The following CHD4 variants were observed in gnomAD, a reference collection of about 807,000 sequenced individuals.
CHD4 encodes chromodomain helicase DNA binding protein 4, also known as ATP-dependent chromatin remodeler CHD4.
Under a neutral mutation model 235.5 loss-of-function variants are expected in CHD4, and 35 were observed. The ratio of observed to expected loss-of-function variants is 0.15; its 90% CI spans 0.11 to 0.20. The LOEUF (loss-of-function observed/expected upper bound fraction) is 0.20, where lower values mean the gene tolerates loss of function less well. Among genes scored for constraint, CHD4 ranks in the 10% least tolerant of loss-of-function variants. The pLI is 1.00. For synonymous variants in CHD4, 900 were observed against 850.2 expected, an observed-to-expected ratio of 1.06 and a Z score of -1.02; for missense variants, 1,329 against 2,432.3, an observed-to-expected ratio of 0.55 and a Z score of 9.54.
chr12:6,587,291 G>A (rs1036448441), intron 25 of CHD4, 93 bp downstream of exon 25: 15 of 1,321,504 alleles, frequency 1.1e-5, no homozygotes, highest in Middle Eastern at 1.9e-4. Context: ...TTTGCCTACA[G>A]ATATTTTCCA....
chr12:6,602,283 T>C (rs1205446805), intron 3 of CHD4, 93 bp downstream of exon 3: 4 of 1,600,934 alleles, frequency 2.5e-6, no homozygotes, highest in Non-Finnish European at 3.4e-6. Context: ...CCACCACTTC[T>C]GAGAAAGAAA....
chr12:6,588,151 T>C (rs1254365233), intron 23 of CHD4, 147 bp downstream of exon 23: 1 of 1,231,576 alleles, frequency 8.1e-7, no homozygotes, highest in South Asian at 1.5e-5. Flanking sequence ...AACCAAACTC[T>C]GGCTTACAAT....
intron 2 of CHD4, among the ~76,000 whole-genome samples, chr12:6,603,556 G>A (rs1592284865): frequency 6.7e-6 from 1 of 149,356 alleles, no homozygotes; most frequent in African/African-American, 2.5e-5. Context: ...GTTTGAGAGA[G>A]GTGGGGTGGC....
intron 10 of CHD4, among the ~76,000 whole-genome samples, chr12:6,599,113 T>A (rs1366754544): frequency 6.6e-6 from 1 of 152,122 alleles, no homozygotes; most frequent in Non-Finnish European, 1.5e-5. Context: ...CCTTAAGCAA[T>A]CTAAAGCAGT....
intron 33 of CHD4, 52 bp from the exon 34 acceptor site, chr12:6,578,969 C>A: frequency 6.7e-7 from 1 of 1,500,888 alleles, no homozygotes; most frequent in Non-Finnish European, 9.3e-7. Context: ...ACATTCTCCT[C>A]TGTTGCACAC....
Position 6,582,313 on chromosome 12 carries a change from G to A in CHD4, c.4371-32C>T, listed in dbSNP as rs142644691. ...AAAGAAGTAGAGAAAGAGTTAAATA[G>A]GGATCATGCTGACTCTTAGATTCTT... On this transcript the variant is annotated intron_variant, in intron 29 of 39. Coordinates refer to ENST00000544040, the MANE Select transcript of CHD4 (RefSeq NM_001273.5). 1.0e-3 allele frequency: 1,538 copies of A among 1,530,066 alleles called. 1 individual carries two copies. Among genetic ancestry groups the A allele is most frequent in the Middle Eastern group, 4.1e-3 (23 of 5,634 alleles). 94.8% of individuals were successfully genotyped at this position (1,530,066 alleles called of 1,614,324 possible).
Position 6,593,222 on chromosome 12 carries a change from C to A in CHD4, c.2521G>T (p.Ala841Ser). ...AGCAGCACATGGAATTTCACAGATG[C>A]CTCTTTCTGCACATGAAGGCAACTT... ...GKKASRMKKEASVKFHVLLTS... is the reference protein window; with the variant it reads ...GKKASRMKKESSVKFHVLLTS... Residue 841 changes from alanine to serine, a missense_variant, in exon 17 of 40, where the codon GCA (alanine) becomes TCA (serine). This residue lies in a region of CHD4 where 78 missense variants were observed against 174.8 expected (regional missense o/e 0.45). Transcript: ENST00000544040. This position sits in a 1 kb window ranked among gnomAD's most constrained non-coding sequence, Gnocchi z 4.9. 1 of 1,614,046 alleles carries A rather than the reference C, an allele frequency of 6.2e-7. No homozygotes were observed. The highest frequency in any genetic ancestry group is 8.5e-7 in the Non-Finnish European group (1 of 1,180,028).
At position 6,606,433 on chromosome 12, in the gene CHD4, T is replaced by C; in HGVS notation, c.-60A>G. 9.1e-7 allele frequency: 1 copy of C among 1,097,054 alleles called. No homozygotes were observed. Among genetic ancestry groups the C allele is most frequent in the East Asian group, 2.8e-5 (1 of 35,742 alleles). The allele number at this position is 1,097,054 out of a possible 1,614,324, so 68.0% of individuals were successfully genotyped here. ...TGCTCCTGCCGGCGGCCTGAGGACC[T>C]CTACACTGGCCCGAGTCACTGTGCG... is the stretch of plus-strand genomic sequence containing the variant. On this transcript the variant is annotated 5_prime_UTR_variant, in exon 2 of 40. Transcript: ENST00000544040.
chr12:6,606,279 T>G lies in CHD4; in HGVS notation c.95A>C (p.His32Pro), dbSNP rs766309247. The G allele has an allele frequency of 6.4e-7, 1 of 1,573,060 alleles. No individual in the cohort carries two copies. Among genetic ancestry groups the G allele is most frequent in the Non-Finnish European group, 8.6e-7 (1 of 1,158,170 alleles). ...ALLNNSLPPP[H>P]PENEEDPEED... ...GCCCTTGGGGAAGATGTTACCTGGGTGGGGTGGGGGCAGGCTGTTGTTCAA... is the reference window on the plus strand; with the variant it reads ...GCCCTTGGGGAAGATGTTACCTGGGGGGGGTGGGGGCAGGCTGTTGTTCAA... The change falls in exon 2 of 40, where the codon CAC (histidine) becomes CCC (proline). Residue 32 changes from histidine (H) to proline (P), a missense_variant. Around this residue, in one of 26 missense-constraint regions of CHD4, gnomAD observed 213 missense variants for 177.5 expected, o/e 1.20. Coordinates refer to ENST00000544040, the MANE Select transcript of CHD4 (RefSeq NM_001273.5).
At chr12:6,582,588 A>T (rs376679386) in intron 29 of CHD4, 27 bp downstream of exon 29, 2 of 1,593,230 alleles carry the variant, frequency 1.3e-6, no homozygotes, top group Non-Finnish European at 1.7e-6. Context: ...CTTGCTCTAG[A>T]TCAGTCCACT....
intron 33 of CHD4, 168 bp downstream of exon 33, chr12:6,580,876 G>T (rs1007698607): frequency 2.2e-5 from 15 of 695,114 alleles, no homozygotes; most frequent in African/African-American, 2.0e-4. Flanking sequence ...GCATGATGGC[G>T]TCTGTCTGTA....
intron 8 of CHD4, 26 bp from the exon 9 acceptor site, chr12:6,600,421 G>C: frequency 1.2e-6 from 2 of 1,612,004 alleles, no homozygotes; most frequent in Non-Finnish European, 1.7e-6. Flanking sequence ...GGAAAGCCCA[G>C]TTATTGGAAA....
At position 6,570,968 on chromosome 12, in the gene CHD4, G is replaced by T. The variant is rs2136189220; in HGVS notation, c.5622C>A (p.Thr1874=). 1 of 1,614,180 alleles carries T rather than the reference G, an allele frequency of 6.2e-7. No individual in the cohort carries two copies. Among genetic ancestry groups the T allele is most frequent in the East Asian group, 2.2e-5 (1 of 44,888 alleles). The change falls in exon 39 of 40, where the codon ACC becomes ACA. Residue 1874 remains threonine (T), a synonymous_variant. Coordinates refer to ENST00000544040, the MANE Select transcript of CHD4 (RefSeq NM_001273.5). ...CAGCAACTGGGGGAATTCGGGCAAT[G>T]GTAGCTGGGAGTCGAGTCACATCAG... ...MKADVTRLPA[T]IARIPPVAVR... is the part of the protein sequence containing the mutation.
Position 6,581,637 on chromosome 12 carries a change from A to C in CHD4, c.4681+12T>G. 6.2e-7 allele frequency: 1 copy of C among 1,614,022 alleles called. No individual in the cohort carries two copies. Among genetic ancestry groups the C allele is most frequent in the South Asian group, 1.1e-5 (1 of 91,072 alleles). On this transcript the variant is annotated intron_variant, in intron 31 of 39. Coordinates refer to ENST00000544040, the MANE Select transcript of CHD4 (RefSeq NM_001273.5). ...AGAGAGGGACAGAAAATGATAGGAC[A>C]GGCAGACTTACCAGCAGGTGGGACA...
intron 19 of CHD4, 49 bp from the exon 20 acceptor site, chr12:6,592,106 G>T: frequency 1.2e-6 from 2 of 1,606,576 alleles, no homozygotes; most frequent in South Asian, 2.2e-5. Context: ...GCCTTTCAAT[G>T]ACTAATAATG....
intron 25 of CHD4, among the ~76,000 whole-genome samples, chr12:6,586,435 C>T (rs991776571): frequency 5.9e-5 from 9 of 151,620 alleles, no homozygotes; most frequent in African/African-American, 2.2e-4. Flanking sequence ...TACATACATA[C>T]ACAAGGAGGC....
At chr12:6,600,846 G>A (rs1284924176) in intron 7 of CHD4, 80 bp downstream of exon 7, 2 of 1,520,916 alleles carry the variant, frequency 1.3e-6, no homozygotes, top group African/African-American at 2.8e-5. Context: ...TGCCTACTAT[G>A]AAGGACAGGT....
rs1947945531 is a variant in CHD4 at position 6,570,522 on chromosome 12, TC to T, written c.*153del. The T allele has an allele frequency of 1.2e-6, 1 of 857,604 alleles. No individual in the cohort carries two copies. Among genetic ancestry groups the T allele is most frequent in the Non-Finnish European group, 1.8e-6 (1 of 545,764 alleles). The allele number at this position is 857,604 out of a possible 1,614,324, so 53.1% of individuals were successfully genotyped here. A position where few individuals can be genotyped will look rare whatever the true frequency, so the allele number is the denominator to read the frequency against. The stretch of plus-strand genomic sequence containing the variant: ...AAGGGCACCACTGCCCCTCACTCCC[TC>T]CCCTCCCCCAGTGCACTGGGGCTGT... On this transcript the variant is annotated 3_prime_UTR_variant, in exon 40 of 40. Transcript: ENST00000544040.
intron 25 of CHD4, 154 bp downstream of exon 25, chr12:6,587,230 T>A: frequency 1.4e-6 from 1 of 702,148 alleles, no homozygotes; most frequent in Non-Finnish European, 2.4e-6. Context: ...TGATTAGTCA[T>A]GTTATCAGCT....
Sources: gnomAD v4.1 joint callset for allele counts (sites outside exome capture counted in the v4.1 genomes callset) on GRCh38, gnomAD v4.1.1 for gene constraint, gnomAD v4.1.1 regional missense constraint, Gnocchi (gnomAD v3.1) non-coding constraint, MANE v1.5 for transcripts, NCBI Gene and HGNC (gene_info 2026-07-23, HGNC 2026-07-21) for gene names.